The following PDE5A variants were observed in gnomAD, a reference collection of about 807,000 sequenced individuals.
PDE5A encodes the protein phosphodiesterase 5A.
A neutral mutation model predicts 110.2 loss-of-function variants in PDE5A; 67 were observed. The ratio of observed to expected loss-of-function variants is 0.61; its 90% CI spans 0.50 to 0.75. PDE5A has a LOEUF of 0.75. Among genes scored for constraint, PDE5A ranks in the 30% least tolerant of loss-of-function variants. The pLI is 0.00. For synonymous variants in PDE5A, 328 were observed against 351.2 expected (o/e 0.93, Z 0.74); for missense variants, 862 against 1,045.1 (o/e 0.82, Z 2.42).
At chr4:119,621,333 A>G (rs1192011057) in intron 1 of PDE5A, among the ~76,000 whole-genome samples, 1 of 152,198 alleles carries the variant, frequency 6.6e-6, no homozygotes, top group Non-Finnish European at 1.5e-5. Flanking sequence ...TCTCCCGAAT[A>G]CAATGATTGG....
chr4:119,503,999 A>G (rs968631249), intron 18 of PDE5A, among the ~76,000 whole-genome samples: 3 of 151,940 alleles, frequency 2.0e-5, no homozygotes, highest in African/African-American at 7.2e-5. Flanking sequence ...TCTGGTATAT[A>G]TGTATATTGT....
At position 119,542,740 on chromosome 4, in the gene PDE5A, T is replaced by A. The variant is rs11936555; in HGVS notation, c.1397-106A>T. 99 of 1,011,542 alleles carry A rather than the reference T, an allele frequency of 9.8e-5. No homozygotes were observed. The African/African-American group carries it at 1.5e-3, about 16-fold the overall frequency. 62.7% of individuals were successfully genotyped at this position (1,011,542 alleles called of 1,614,324 possible). ...TTGTCTTACACTTTTCTCTTAGGAATGCTTAGTATGTCGAAATAAGCAAAT... is the reference window on the plus strand; with the variant it reads ...TTGTCTTACACTTTTCTCTTAGGAAAGCTTAGTATGTCGAAATAAGCAAAT... On this transcript the variant is annotated intron_variant, in intron 9 of 20. Transcript: ENST00000354960.
chr4:119,599,606 G>T (rs748070869), intron 2 of PDE5A, among the ~76,000 whole-genome samples: 1 of 151,604 alleles, frequency 6.6e-6, no homozygotes, highest in Non-Finnish European at 1.5e-5. Flanking sequence ...CAGTGACTCT[G>T]AAGATAAATC....
Position 119,511,056 on chromosome 4 carries a change from A to G in PDE5A, c.2079T>C (p.Leu693=). 1 of 1,588,956 alleles carries G rather than the reference A, an allele frequency of 6.3e-7. No individual in the cohort carries two copies. Among genetic ancestry groups the G allele is most frequent in the Non-Finnish European group, 8.6e-7 (1 of 1,158,758 alleles). ...TAAATTAGGTACTTACTGGACTATT[A>G]AGAATCATCAGGCACTGGTCAAAAT... ...HHHFDQCLMI[L]NSPGNQILSG... Residue 693 remains leucine, a synonymous_variant, in exon 15 of 21, where the codon CTT becomes CTC. Transcript: ENST00000354960.
rs1341412509 is a variant in PDE5A at position 119,627,439 on chromosome 4, A to T, written c.152+1081T>A. On this transcript the variant is annotated intron_variant, in intron 1 of 20. Coordinates refer to ENST00000354960, the MANE Select transcript of PDE5A (RefSeq NM_001083.4). This position sits in a 1 kb window ranked among gnomAD's most constrained non-coding sequence, Gnocchi z 4.6. ...TCGAACCCGGGCGGGCTCCTCGACC[A>T]TCACTGCCGGGCGTGTGTCACCCTC... 1 of 287,110 alleles carries T rather than the reference A, an allele frequency of 3.5e-6. No homozygotes were observed. The highest frequency in any genetic ancestry group is 5.2e-6 in the Non-Finnish European group (1 of 191,474). The allele number at this position is 287,110 out of a possible 1,614,324, so 17.8% of individuals were successfully genotyped here. A position where few individuals can be genotyped will look rare whatever the true frequency, so the allele number is the denominator to read the frequency against.
At chr4:119,623,650 A>T (rs1253525801) in intron 1 of PDE5A, among the ~76,000 whole-genome samples, 1 of 152,222 alleles carries the variant, frequency 6.6e-6, no homozygotes, top group Non-Finnish European at 1.5e-5. Context: ...CAAATCATTT[A>T]TTTAAGCAGA....
intron 11 of PDE5A, among the ~76,000 whole-genome samples, chr4:119,526,301 C>T (rs1177260319): frequency 1.3e-5 from 2 of 152,252 alleles, no homozygotes; most frequent in Admixed American, 1.3e-4. Flanking sequence ...CTAGCAGAAC[C>T]TGCCTCCCAC....
At chr4:119,581,933 T>A (rs1026778048) in intron 3 of PDE5A, among the ~76,000 whole-genome samples, 1 of 152,242 alleles carries the variant, frequency 6.6e-6, no homozygotes, top group Non-Finnish European at 1.5e-5. Context: ...TTTAGCTAGC[T>A]ATAAACTTTT....
At chr4:119,613,399 A>T (rs1254837852) in intron 1 of PDE5A, among the ~76,000 whole-genome samples, 1 of 152,110 alleles carries the variant, frequency 6.6e-6, no homozygotes, top group Non-Finnish European at 1.5e-5. Flanking sequence ...AATTATTCCC[A>T]TAAGACAGAG....
At chr4:119,622,821 G>A (rs1370278514) in intron 1 of PDE5A, among the ~76,000 whole-genome samples, 2 of 129,612 alleles carry the variant, frequency 1.5e-5, no homozygotes, top group South Asian at 2.4e-4. Context: ...CCGAGATTGC[G>A]CCACTGCACT....
rs1724994909 is a variant in PDE5A, at chr4:119,494,554, G to T, written c.*4047C>A. ...TGTTCCTTTAAAGTGATTTTGTCAT[G>T]AAAGAGTCATCTGAAATGACTCTCG... On this transcript the variant is annotated 3_prime_UTR_variant, in exon 21 of 21. Coordinates refer to ENST00000354960, the MANE Select transcript of PDE5A (RefSeq NM_001083.4). 2 of 152,532 alleles carry T rather than the reference G, an allele frequency of 1.3e-5. No individual in the cohort carries two copies. Among genetic ancestry groups the T allele is most frequent in the Admixed American group, 6.6e-5 (1 of 15,258 alleles). 9.4% of individuals were successfully genotyped at this position (152,532 alleles called of 1,614,324 possible).
At position 119,542,624 on chromosome 4, in the gene PDE5A, T is replaced by C; in HGVS notation, c.1407A>G (p.Gln469=). ...TATTCTCCTCCATCTTATTAACAAG[T>C]TGGCAAACCCCTATAACAATCCGAG... ...GKKNKVIGVC[Q]LVNKMEENTG... is the part of the protein sequence containing the mutation. Residue 469 remains glutamine (Q), a synonymous_variant, in exon 10 of 21, where the codon CAA becomes CAG. Coordinates refer to ENST00000354960, the MANE Select transcript of PDE5A (RefSeq NM_001083.4). The C allele has an allele frequency of 1.9e-6, 3 of 1,613,674 alleles. No homozygotes were observed. Among genetic ancestry groups the C allele is most frequent in the South Asian group, 1.1e-5 (1 of 91,050 alleles).
At chr4:119,503,281 G>A (rs148456784) in intron 18 of PDE5A, among the ~76,000 whole-genome samples, 2,835 of 152,122 alleles carry the variant, frequency 0.019, 45 homozygotes, top group Non-Finnish European at 0.03. Flanking sequence ...ATGAAATCTT[G>A]AAAAACAAAA....
chr4:119,519,054 T>C lies in PDE5A; in HGVS notation c.1991A>G (p.Tyr664Cys). 6.2e-7 allele frequency: 1 copy of C among 1,610,082 alleles called. No individual in the cohort carries two copies. Among genetic ancestry groups the C allele is most frequent in the Non-Finnish European group, 8.5e-7 (1 of 1,176,368 alleles). ...DLDHRGVNNSYIQRSEHPLAQ... is the reference protein window; with the variant it reads ...DLDHRGVNNSCIQRSEHPLAQ... The stretch of plus-strand genomic sequence containing the variant: ...ACTGGGAAAGTCTTACCGCTGTATG[T>C]AAGAGTTATTCACACCACGGTGATC... Residue 664 changes from tyrosine to cysteine, a missense_variant, in exon 14 of 21, where the codon TAC (tyrosine) becomes TGC (cysteine). By Grantham distance (194) the Tyr-to-Cys change is radical (BLOSUM62 -2). Coordinates refer to ENST00000354960, the MANE Select transcript of PDE5A (RefSeq NM_001083.4).
chr4:119,581,486 A>G (rs765127843), intron 3 of PDE5A, among the ~76,000 whole-genome samples: 1 of 152,222 alleles, frequency 6.6e-6, no homozygotes, highest in Non-Finnish European at 1.5e-5. Flanking sequence ...TAAGTCCTTC[A>G]TATGGAGAAC....
intron 3 of PDE5A, among the ~76,000 whole-genome samples, chr4:119,571,645 G>A (rs1360120308): frequency 1.3e-5 from 2 of 152,156 alleles, no homozygotes; most frequent in African/African-American, 2.4e-5. Flanking sequence ...AATAATACAT[G>A]TGTGCTATTT....
chr4:119,586,815 T>G (rs1008587521), intron 3 of PDE5A, among the ~76,000 whole-genome samples: 1 of 152,190 alleles, frequency 6.6e-6, no homozygotes, highest in Non-Finnish European at 1.5e-5. Context: ...AGCTTCCTAT[T>G]GAATAAAATA....
chr4:119,542,682 GT>G, intron 9 of PDE5A, 48 bp from the exon 10 acceptor site: 2 of 1,553,504 alleles, frequency 1.3e-6, no homozygotes, highest in South Asian at 1.1e-5. Flanking sequence ...GATTATCATA[GT>G]TTTTGTGGAC....
intron 3 of PDE5A, among the ~76,000 whole-genome samples, chr4:119,592,456 TAAAAAAAAAAAAAAA>T (rs55997249): frequency 9.1e-5 from 6 of 66,176 alleles, no homozygotes; most frequent in African/African-American, 1.3e-4. Flanking sequence ...AGACTCTGTT[TAAAAAAAAAAAAAAA>T]AAAAAAAAAA....
Sources: allele counts gnomAD v4.1 joint callset (sites outside exome capture counted in the v4.1 genomes callset), GRCh38; gene constraint gnomAD v4.1.1; non-coding constraint Gnocchi (gnomAD v3.1); transcripts MANE v1.5; gene names NCBI Gene and HGNC (gene_info 2026-07-23, HGNC 2026-07-21).